ABTB3: variants seen among roughly 807,000 people sequenced by gnomAD.
ABTB3 encodes the protein ankyrin repeat and BTB domain containing 3.
At chr12:107,578,314 C>G in the ABTB3 span, among the ~76,000 whole-genome samples, 1 of 145,448 alleles carries the variant, frequency 6.9e-6, no homozygotes, top group South Asian at 2.2e-4. Flanking sequence ...GTGTCTTATT[C>G]TGGAGCTTGC....
At chr12:107,348,592 G>A in the ABTB3 span, among the ~76,000 whole-genome samples, 2 of 152,166 alleles carry the variant, frequency 1.3e-5, no homozygotes, top group African/African-American at 4.8e-5. Context: ...CAGTGTGATG[G>A]TGTGCCCCTG....
chr12:107,350,425 C>T, the ABTB3 span, among the ~76,000 whole-genome samples: 16 of 151,784 alleles, frequency 1.1e-4, no homozygotes, highest in East Asian at 7.8e-4. Flanking sequence ...TGGTGGGGGG[C>T]GCCGGTAGTC....
At chr12:107,622,239 G>T in the ABTB3 span, among the ~76,000 whole-genome samples, 1 of 152,198 alleles carries the variant, frequency 6.6e-6, no homozygotes, top group African/African-American at 2.4e-5. Context: ...GAGCGGGTAG[G>T]TGGAGGTTAA....
chr12:107,530,316 G>T, the ABTB3 span, among the ~76,000 whole-genome samples: 2 of 152,152 alleles, frequency 1.3e-5, no homozygotes, highest in Non-Finnish European at 2.9e-5. Flanking sequence ...CTTTTTAATG[G>T]AAGTTTTTGA....
the ABTB3 span, among the ~76,000 whole-genome samples, chr12:107,481,742 G>C: frequency 6.6e-6 from 1 of 152,120 alleles, no homozygotes; most frequent in African/African-American, 2.4e-5. Flanking sequence ...CCAGGGACTC[G>C]GTTGATGTCA....
the ABTB3 span, among the ~76,000 whole-genome samples, chr12:107,460,381 G>T: frequency 3.9e-5 from 6 of 152,344 alleles, no homozygotes; most frequent in African/African-American, 1.2e-4. Context: ...CTGGCTGGGC[G>T]TGGTGGCTCA....
the ABTB3 span, among the ~76,000 whole-genome samples, chr12:107,653,881 C>A: frequency 6.6e-6 from 1 of 152,188 alleles, no homozygotes; most frequent in Non-Finnish European, 1.5e-5. Context: ...CACTACCGTT[C>A]ATCTATAGAA....
chr12:107,327,063 T>C, the ABTB3 span, among the ~76,000 whole-genome samples: 1 of 152,248 alleles, frequency 6.6e-6, no homozygotes, highest in Admixed American at 6.5e-5. Context: ...CTAAATCTTT[T>C]GTGACCTAGT....
the ABTB3 span, among the ~76,000 whole-genome samples, chr12:107,651,346 T>C: frequency 2.0e-5 from 3 of 152,170 alleles, no homozygotes; most frequent in Non-Finnish European, 2.9e-5. Flanking sequence ...CACCTTGATA[T>C]CCATCTTGCT....
the ABTB3 span, among the ~76,000 whole-genome samples, chr12:107,355,484 C>T: frequency 1.3e-5 from 2 of 152,200 alleles, no homozygotes; most frequent in East Asian, 3.8e-4. Flanking sequence ...TTTCTTGTTC[C>T]CTTATCTCTT....
the ABTB3 span, among the ~76,000 whole-genome samples, chr12:107,420,871 CT>C: frequency 3.3e-5 from 5 of 152,194 alleles, no homozygotes; most frequent in Non-Finnish European, 7.3e-5. Flanking sequence ...CTGCTTCCTT[CT>C]GTCTCCTGCT....
At chr12:107,367,200 A>G in the ABTB3 span, among the ~76,000 whole-genome samples, 3 of 152,188 alleles carry the variant, frequency 2.0e-5, no homozygotes, top group Non-Finnish European at 2.9e-5. Flanking sequence ...GTGAATGGGT[A>G]TGAGCCTATA....
At chr12:107,415,220 T>C in the ABTB3 span, among the ~76,000 whole-genome samples, 3 of 152,088 alleles carry the variant, frequency 2.0e-5, no homozygotes, top group African/African-American at 7.2e-5. Context: ...CCATGGCCAC[T>C]CCACATAAAA....
the ABTB3 span, among the ~76,000 whole-genome samples, chr12:107,399,135 C>A: frequency 6.6e-6 from 1 of 152,154 alleles, no homozygotes; most frequent in African/African-American, 2.4e-5. Flanking sequence ...TCTTTGAACA[C>A]CAGAGGAAGT....
the ABTB3 span, among the ~76,000 whole-genome samples, chr12:107,404,171 A>AG: frequency 1.3e-5 from 2 of 149,988 alleles, no homozygotes; most frequent in Non-Finnish European, 3.0e-5. Flanking sequence ...TCAAAAAAAA[A>AG]AAAAAAAAAA....
the ABTB3 span, among the ~76,000 whole-genome samples, chr12:107,541,596 C>T: frequency 6.6e-6 from 1 of 152,228 alleles, no homozygotes; most frequent in Non-Finnish European, 1.5e-5. Flanking sequence ...GGAATGCTTT[C>T]CTCTTCGGAG....
chr12:107,401,961 C>G, the ABTB3 span, among the ~76,000 whole-genome samples: 8 of 149,850 alleles, frequency 5.3e-5, no homozygotes, highest in Admixed American at 4.6e-4. Context: ...CTTCCCTACC[C>G]TCTGCCCTCC....
At chr12:107,519,053 C>T in the ABTB3 span, among the ~76,000 whole-genome samples, 15 of 152,198 alleles carry the variant, frequency 9.9e-5, no homozygotes, top group Non-Finnish European at 2.2e-4. Context: ...TTCCTTGTAT[C>T]CTCAGTAGGA....
the ABTB3 span, among the ~76,000 whole-genome samples, chr12:107,375,140 G>T: frequency 1.3e-5 from 2 of 152,138 alleles, no homozygotes; most frequent in Non-Finnish European, 2.9e-5. Flanking sequence ...GTAGTGGCTG[G>T]GTGCCGTGGC....
Sources: allele counts gnomAD v4.1 joint callset (sites outside exome capture counted in the v4.1 genomes callset), GRCh38; gene constraint gnomAD v4.1.1; transcripts MANE v1.5; gene names NCBI Gene and HGNC (gene_info 2026-07-23, HGNC 2026-07-21).